ATP8B1: variants seen among roughly 807,000 people sequenced by gnomAD.
ATP8B1 encodes ATPase phospholipid transporting 8B1.
Under a neutral mutation model 149.9 loss-of-function variants are expected in ATP8B1, and 80 were observed. The ratio of observed to expected loss-of-function variants is 0.53; its 90% CI spans 0.45 to 0.64. The LOEUF is 0.64. Ranked by LOEUF, ATP8B1 falls within the 30% of genes least tolerant of loss-of-function variation. The pLI, the probability that ATP8B1 is intolerant of heterozygous loss-of-function variation, is 0.00. For missense variants in ATP8B1, 1,247 were observed against 1,552.6 expected (o/e 0.80, Z 3.31); for synonymous variants, 536 against 562.8 (o/e 0.95, Z 0.67).
rs377124910 is a variant in ATP8B1, at chr18:57,668,420, A to G, written c.2209+9T>C. ...ATTAACAGATATGCTTCCCTGCACAATGAATTACCCTTTTTGTCTCCAGTA... is the reference window on the plus strand; with the variant it reads ...ATTAACAGATATGCTTCCCTGCACAGTGAATTACCCTTTTTGTCTCCAGTA... On this transcript the variant is annotated intron_variant, in intron 19 of 27. Coordinates refer to ENST00000648908, the MANE Select transcript of ATP8B1 (RefSeq NM_001374385.1). 25 of 1,586,934 alleles carry G rather than the reference A, an allele frequency of 1.6e-5. 1 individual carries two copies. Among genetic ancestry groups the G allele is most frequent in the East Asian group, 8.9e-5 (4 of 44,750 alleles).
rs1177867869 is a variant in ATP8B1 at position 57,784,790 on chromosome 18, C to T, written c.-26+18208G>A. Reference sequence around the variant, plus strand: ...AATTCCTCAGCCTCAACCCTAGTGACGTTTTGGGTAAGATACTTCTTTGTT... The same window carrying T: ...AATTCCTCAGCCTCAACCCTAGTGATGTTTTGGGTAAGATACTTCTTTGTT... On this transcript the variant is annotated intron_variant, in intron 1 of 27. Coordinates refer to ENST00000648908, the MANE Select transcript of ATP8B1 (RefSeq NM_001374385.1). This position sits in a 1 kb window ranked among gnomAD's most constrained non-coding sequence, Gnocchi z 4.4. 2.0e-5 allele frequency among the ~76,000 whole-genome samples: 3 copies of T among 152,124 alleles called. No homozygotes were observed. The highest frequency in any genetic ancestry group is 4.4e-5 in the Non-Finnish European group (3 of 68,018).
chr18:57,706,461 G>A, intron 3 of ATP8B1, 29 bp downstream of exon 3: 2 of 1,594,348 alleles, frequency 1.3e-6, no homozygotes, highest in Non-Finnish European at 1.7e-6. Context: ...GCATTTTAAT[G>A]AAAACAATTC....
At chr18:57,736,952 T>C (rs948048067) in intron 1 of ATP8B1, 5 of 152,194 alleles carry the variant, frequency 3.3e-5, no homozygotes, top group Middle Eastern at 3.2e-3. Flanking sequence ...GAAGGTACTA[T>C]ATGGAAACAT....
chr18:57,681,583 C>T (rs1911974503), intron 15 of ATP8B1, among the ~76,000 whole-genome samples: 2 of 152,042 alleles, frequency 1.3e-5, no homozygotes, highest in Non-Finnish European at 2.9e-5. Flanking sequence ...GGCAGATCAC[C>T]TGAAATCAGG....
intron 2 of ATP8B1, among the ~76,000 whole-genome samples, chr18:57,713,141 C>CT (rs990400180): frequency 3.3e-5 from 5 of 151,118 alleles, no homozygotes; most frequent in African/African-American, 1.2e-4. Context: ...GGTGCTTTGT[C>CT]TTGCTCTTGA....
chr18:57,733,208 G>A (rs187179174), intron 1 of ATP8B1, among the ~76,000 whole-genome samples: 36 of 152,276 alleles, frequency 2.4e-4, no homozygotes, highest in Admixed American at 1.8e-3. Flanking sequence ...TCACAGTGCC[G>A]TGTAGTCAGT....
chr18:57,767,263 G>A (rs957426541), intron 1 of ATP8B1, among the ~76,000 whole-genome samples: 3 of 152,192 alleles, frequency 2.0e-5, no homozygotes, highest in Non-Finnish European at 4.4e-5. Context: ...GAAGGGGGCA[G>A]TTGTACATGC....
rs2271771 is a variant in ATP8B1 at position 57,648,500 on chromosome 18, G to C, written c.3744C>G (p.Thr1248=). 2 of 1,611,248 alleles carry C rather than the reference G, an allele frequency of 1.2e-6. No homozygotes were observed. The highest frequency in any genetic ancestry group is 2.2e-5 in the East Asian group (1 of 44,876). ...TGGGGGTAAGGGATCAGCTGTCCCCGGTGCGCCTGTACTCCGCGGTGCCAT... is the reference window on the plus strand; with the variant it reads ...TGGGGGTAAGGGATCAGCTGTCCCCCGTGCGCCTGTACTCCGCGGTGCCAT... ...VADGTAEYRR[T]GDS The change falls in exon 28 of 28, where the codon ACC becomes ACG. Residue 1248 remains threonine, a synonymous_variant. Coordinates refer to ENST00000648908, the MANE Select transcript of ATP8B1 (RefSeq NM_001374385.1).
intron 8 of ATP8B1, among the ~76,000 whole-genome samples, chr18:57,696,377 C>G (rs1442974655): frequency 6.6e-6 from 1 of 152,130 alleles, no homozygotes; most frequent in Non-Finnish European, 1.5e-5. Context: ...ACAGAAAGCT[C>G]TATCAGGCAA....
In ATP8B1 at chr18:57,652,110, T is replaced by C. The variant is rs1174132229; in HGVS notation, c.3324A>G (p.Ala1108=). The change falls in exon 26 of 28, where the codon GCA becomes GCG. Residue 1108 remains alanine (A), a synonymous_variant. Coordinates refer to ENST00000648908, the MANE Select transcript of ATP8B1 (RefSeq NM_001374385.1). ...VNAFSIFGSI[A]LYFGIMFDFH... ...AGTCAAACATGATGCCAAAATAAAG[T>C]GCAATGCTTCCAAAAATTGAAAAAG... 4 of 1,613,928 alleles carry C rather than the reference T, an allele frequency of 2.5e-6. No homozygotes were observed. Among genetic ancestry groups the C allele is most frequent in the Non-Finnish European group, 8.5e-7 (1 of 1,179,826 alleles).
At chr18:57,764,294 TTTTC>T (rs541461795) in intron 1 of ATP8B1, among the ~76,000 whole-genome samples, 10,874 of 151,130 alleles carry the variant, frequency 0.072, 476 homozygotes, top group Non-Finnish European at 0.092. Flanking sequence ...TTCTTTCTTC[TTTTC>T]TTCCTTCCTT....
chr18:57,735,114 C>T (rs1338466113), intron 1 of ATP8B1: 1 of 152,480 alleles, frequency 6.6e-6, no homozygotes, highest in Non-Finnish European at 1.5e-5. Context: ...TATGGGAGCT[C>T]TGTTTTCACT....
chr18:57,757,118 T>C (rs576322046), intron 1 of ATP8B1, among the ~76,000 whole-genome samples: 3 of 152,334 alleles, frequency 2.0e-5, no homozygotes, highest in Admixed American at 6.5e-5. Flanking sequence ...TTTCCACTTA[T>C]TAGTTAGTAA....
intron 2 of ATP8B1, among the ~76,000 whole-genome samples, chr18:57,728,327 T>G (rs1205477370): frequency 6.6e-6 from 1 of 152,072 alleles, no homozygotes; most frequent in Non-Finnish European, 1.5e-5. Context: ...AAGGAAATTA[T>G]TCAGGATGTG....
chr18:57,718,103 T>TAAAAAAAAAAAAAAAAAAAAAAAC (rs59629558), intron 2 of ATP8B1, among the ~76,000 whole-genome samples: 1 of 31,798 alleles, frequency 3.1e-5, no homozygotes, highest in Non-Finnish European at 5.8e-5. Context: ...CTGGACTAAC[T>TAAAAAAAAAAAAAAAAAAAAAAAC]AAAAAAAAAA....
At chr18:57,681,538 C>T (rs1599110205) in intron 15 of ATP8B1, among the ~76,000 whole-genome samples, 1 of 152,060 alleles carries the variant, frequency 6.6e-6, no homozygotes, top group African/African-American at 2.4e-5. Flanking sequence ...TGGTGGCTCA[C>T]GCGTGTAATC....
chr18:57,694,782 C>A, intron 10 of ATP8B1, 112 bp from the exon 11 acceptor site: 2 of 823,006 alleles, frequency 2.4e-6, no homozygotes. Flanking sequence ...GTAATCCCAG[C>A]AGTTTTGGAG....
intron 1 of ATP8B1, 101 bp from the exon 2 acceptor site, chr18:57,731,933 T>C: frequency 1.8e-6 from 2 of 1,101,400 alleles, no homozygotes; most frequent in Non-Finnish European, 1.4e-6. Context: ...CAGAACATTG[T>C]CTAACATGTA....
Position 57,734,753 on chromosome 18 carries a change from T to A in ATP8B1, c.-25-2921A>T, listed in dbSNP as rs559794485. 2.1e-4 allele frequency among the ~76,000 whole-genome samples: 32 copies of A among 152,270 alleles called. No homozygotes were observed. In the South Asian group the frequency reaches 6.6e-3, roughly 32 times the overall value. On this transcript the variant is annotated intron_variant, in intron 1 of 27. Coordinates refer to ENST00000648908, the MANE Select transcript of ATP8B1 (RefSeq NM_001374385.1). ...CATTATCTTATGGCTTCACAGAATA[T>A]TCATTCCCCAAATCCATAGTCTTTA...
Sources: allele counts gnomAD v4.1 joint callset (sites outside exome capture counted in the v4.1 genomes callset), GRCh38; gene constraint gnomAD v4.1.1; non-coding constraint Gnocchi (gnomAD v3.1); transcripts MANE v1.5; gene names NCBI Gene and HGNC (gene_info 2026-07-23, HGNC 2026-07-21).